DLG2: variants seen among roughly 807,000 people sequenced by gnomAD.
DLG2 encodes the protein discs large MAGUK scaffold protein 2, also known as disks large homolog 2.
In DLG2, 45 loss-of-function variants were observed where a neutral mutation model predicts 132.5. The ratio of observed to expected loss-of-function variants is 0.34; its 90% CI spans 0.27 to 0.44. The LOEUF (loss-of-function observed/expected upper bound fraction) is 0.44. Ranked by LOEUF, DLG2 falls within the 20% of genes least tolerant of loss-of-function variation. DLG2 has a pLI of 1.00. For missense variants in DLG2, 1,045 were observed against 1,196.9 expected, an observed-to-expected ratio of 0.87 and a Z score of 1.87; for synonymous variants, 424 against 419.6, an observed-to-expected ratio of 1.01 and a Z score of -0.13.
chr11:84,973,536 A>C (rs2054412592), intron 6 of DLG2, among the ~76,000 whole-genome samples: 1 of 152,186 alleles, frequency 6.6e-6, no homozygotes, highest in Non-Finnish European at 1.5e-5. Context: ...AGGTAATCCG[A>C]GTTACAATTT....
At chr11:83,837,217 G>A (rs1444762718) in intron 16 of DLG2, among the ~76,000 whole-genome samples, 1 of 152,038 alleles carries the variant, frequency 6.6e-6, no homozygotes, top group African/African-American at 2.4e-5. Flanking sequence ...GCTTCTTGCT[G>A]GTTCCCATCA....
At chr11:85,106,086 T>G (rs1163261649) in intron 6 of DLG2, among the ~76,000 whole-genome samples, 1 of 151,728 alleles carries the variant, frequency 6.6e-6, no homozygotes, top group Non-Finnish European at 1.5e-5. Context: ...TGAATGTGGG[T>G]AATGTGAGGC....
intron 7 of DLG2, among the ~76,000 whole-genome samples, chr11:84,272,754 G>A (rs1052354900): frequency 6.6e-6 from 1 of 152,098 alleles, no homozygotes; most frequent in African/African-American, 2.4e-5. Context: ...TTGGTTTCTT[G>A]ATCTATATAT....
rs58508196 is a variant in DLG2 at position 85,434,402 on chromosome 11, AT to A, written c.41-149038del. On this transcript the variant is annotated intron_variant, in intron 3 of 27. Coordinates refer to ENST00000376104, the MANE Select transcript of DLG2 (RefSeq NM_001142699.3). ...TCCAGGGGCTGTTTTTTTTGAAAAAATTTTAAAAAAAAAATAGACCACTAAC... is the reference window on the plus strand; with the variant it reads ...TCCAGGGGCTGTTTTTTTTGAAAAAATTTAAAAAAAAAATAGACCACTAAC... 3.1e-3 allele frequency among the ~76,000 whole-genome samples: 461 copies of A among 150,530 alleles called. 3 individuals carry two copies. The highest frequency in any genetic ancestry group is 0.011 in the East Asian group (58 of 5,132).
intron 16 of DLG2, among the ~76,000 whole-genome samples, chr11:83,842,546 A>T (rs1365824148): frequency 7.3e-6 from 1 of 136,620 alleles, no homozygotes. Context: ...AAAAAAAAAA[A>T]GGCCGGGCAC....
intron 16 of DLG2, among the ~76,000 whole-genome samples, chr11:83,860,037 A>G (rs895098773): frequency 5.9e-5 from 9 of 152,184 alleles, no homozygotes; most frequent in African/African-American, 2.2e-4. Flanking sequence ...GAACCTCTGC[A>G]TAGATTTTAG....
At chr11:84,135,429 T>TACTGG (rs996089354) in intron 9 of DLG2, among the ~76,000 whole-genome samples, 2 of 152,128 alleles carry the variant, frequency 1.3e-5, no homozygotes, top group African/African-American at 4.8e-5. Context: ...AATCAACAAG[T>TACTGG]ACTGGACAGG....
At chr11:84,075,662 AG>A (rs1303133318) in intron 10 of DLG2, among the ~76,000 whole-genome samples, 3 of 152,108 alleles carry the variant, frequency 2.0e-5, no homozygotes, top group Non-Finnish European at 4.4e-5. Context: ...GATTGCCTGG[AG>A]GTGCTAATTT....
chr11:83,665,501 T>A (rs1461459853), intron 18 of DLG2, among the ~76,000 whole-genome samples: 1 of 152,232 alleles, frequency 6.6e-6, no homozygotes. Flanking sequence ...TATTAGATTA[T>A]CTCTTATGTA....
intron 3 of DLG2, among the ~76,000 whole-genome samples, chr11:85,430,662 T>A (rs2091113848): frequency 2.0e-5 from 3 of 152,176 alleles, no homozygotes. Context: ...ACCTCATTTC[T>A]GTGGGTTTGA....
intron 6 of DLG2, among the ~76,000 whole-genome samples, chr11:85,093,611 G>T (rs1045154528): frequency 2.6e-5 from 4 of 152,212 alleles, no homozygotes; most frequent in African/African-American, 9.6e-5. Context: ...GAGCAAAGGC[G>T]TGTCTTACCT....
At chr11:84,911,543 T>C (rs962406041) in intron 6 of DLG2, among the ~76,000 whole-genome samples, 1 of 152,068 alleles carries the variant, frequency 6.6e-6, no homozygotes, top group Non-Finnish European at 1.5e-5. Flanking sequence ...CTTTTTTACA[T>C]GCTCCAATAC....
intron 10 of DLG2, among the ~76,000 whole-genome samples, chr11:84,069,984 G>T (rs2096732687): frequency 6.6e-6 from 1 of 152,188 alleles, no homozygotes. Context: ...CTACCACCTG[G>T]ATTACTACAG....
At chr11:84,485,016 A>G (rs1007724316) in intron 7 of DLG2, among the ~76,000 whole-genome samples, 4 of 152,152 alleles carry the variant, frequency 2.6e-5, no homozygotes, top group Non-Finnish European at 4.4e-5. Context: ...ATGTAAGGTA[A>G]ATTTAATCCA....
intron 17 of DLG2, among the ~76,000 whole-genome samples, chr11:83,821,963 G>T (rs1036342566): frequency 2.0e-5 from 3 of 152,100 alleles, no homozygotes; most frequent in African/African-American, 7.2e-5. Flanking sequence ...TTAAAAGAGG[G>T]AATTTGGATG....
At chr11:84,510,510 T>G (rs936091744) in intron 7 of DLG2, among the ~76,000 whole-genome samples, 1 of 152,150 alleles carries the variant, frequency 6.6e-6, no homozygotes, top group African/African-American at 2.4e-5. Context: ...ACTACTAACC[T>G]TGTATGATTT....
chr11:84,609,797 A>G (rs1593668633), intron 6 of DLG2, among the ~76,000 whole-genome samples: 1 of 152,310 alleles, frequency 6.6e-6, no homozygotes, highest in Admixed American at 6.5e-5. Flanking sequence ...ATAAAATGAC[A>G]CATGGACTGG....
intron 5 of DLG2, chr11:85,132,977 C>T (rs2075848070): frequency 8.5e-6 from 3 of 351,426 alleles, no homozygotes; most frequent in Admixed American, 7.3e-5. Flanking sequence ...TCAAGGCAAG[C>T]AGGATTCTGC....
chr11:83,478,590 T>C (rs746756259), intron 22 of DLG2, among the ~76,000 whole-genome samples: 2 of 152,008 alleles, frequency 1.3e-5, no homozygotes, highest in South Asian at 4.1e-4. Flanking sequence ...CTGGGAAAAA[T>C]ATTCCCACCT....
Sources: allele counts gnomAD v4.1 joint callset (sites outside exome capture counted in the v4.1 genomes callset), GRCh38; gene constraint gnomAD v4.1.1; transcripts MANE v1.5; gene names NCBI Gene and HGNC (gene_info 2026-07-23, HGNC 2026-07-21).